SLC36A1: variants seen among roughly 807,000 people sequenced by gnomAD.
The protein encoded by SLC36A1 is proton-coupled amino acid transporter 1.
Under a neutral mutation model 47.5 loss-of-function variants are expected in SLC36A1, and 30 were observed. The observed-to-expected ratio is 0.63, with a 90% confidence interval of 0.47 to 0.86. The LOEUF (loss-of-function observed/expected upper bound fraction) is 0.86, where lower values mean the gene tolerates loss of function less well. SLC36A1 is among the 40% of genes least tolerant of loss of function. The pLI is 0.00. For missense variants in SLC36A1, 517 were observed against 606.0 expected (o/e 0.85, Z 1.54); for synonymous variants, 255 against 249.7 (o/e 1.02, Z -0.20).
the SLC36A1 span, among the ~76,000 whole-genome samples, chr5:151,364,269 T>G: frequency 6.6e-6 from 1 of 152,218 alleles, no homozygotes; most frequent in Non-Finnish European, 1.5e-5. Context: ...CTGCAAGTTT[T>G]AAGATGGCCA....
At chr5:151,418,971 T>C in the SLC36A1 span, among the ~76,000 whole-genome samples, 1 of 152,140 alleles carries the variant, frequency 6.6e-6, no homozygotes, top group African/African-American at 2.4e-5. Context: ...CATGCTGTTC[T>C]TGTGATAATG....
At chr5:151,430,288 C>T in the SLC36A1 span, among the ~76,000 whole-genome samples, 1 of 151,082 alleles carries the variant, frequency 6.6e-6, no homozygotes, top group African/African-American at 2.4e-5. Context: ...CCTCAGCCTC[C>T]CGAGTAGCTG....
At chr5:151,394,690 A>G in the SLC36A1 span, among the ~76,000 whole-genome samples, 4 of 152,226 alleles carry the variant, frequency 2.6e-5, no homozygotes, top group African/African-American at 9.6e-5. Context: ...TTGCCTGGGT[A>G]TCAGCAGCGG....
the SLC36A1 span, among the ~76,000 whole-genome samples, chr5:151,395,807 TTTA>T: frequency 1.3e-5 from 2 of 152,014 alleles, no homozygotes; most frequent in Non-Finnish European, 2.9e-5. Context: ...TTCTTTCTTA[TTTA>T]TTATTATTAT....
the SLC36A1 span, among the ~76,000 whole-genome samples, chr5:151,415,761 A>C: frequency 1.3e-5 from 2 of 152,162 alleles, no homozygotes; most frequent in African/African-American, 4.8e-5. Context: ...GAATGAATTA[A>C]GGAGTGAATG....
chr5:151,453,720 G>T (rs958476622), intron 1 of SLC36A1, among the ~76,000 whole-genome samples: 10 of 151,828 alleles, frequency 6.6e-5, no homozygotes, highest in Non-Finnish European at 1.3e-4. Context: ...TGAATCCCAT[G>T]CTGTTAAAAT....
At chr5:151,390,748 T>G in the SLC36A1 span, among the ~76,000 whole-genome samples, 1 of 152,202 alleles carries the variant, frequency 6.6e-6, no homozygotes, top group Non-Finnish European at 1.5e-5. Context: ...AGGGCTCTGT[T>G]CTGTTCCATT....
At chr5:151,350,931 C>G in the SLC36A1 span, among the ~76,000 whole-genome samples, 1 of 152,180 alleles carries the variant, frequency 6.6e-6, no homozygotes, top group East Asian at 1.9e-4. Context: ...TTCCTGAGCC[C>G]GCCTTGGCCT....
chr5:151,473,716 A>T lies in SLC36A1; in HGVS notation c.767A>T (p.Lys256Met). 1 of 1,614,066 alleles carries T rather than the reference A, an allele frequency of 6.2e-7. No homozygotes were observed. Residue 256 changes from lysine (K) to methionine (M), a missense_variant, in exon 8 of 11, where the codon AAG (lysine) becomes ATG (methionine). Physicochemically the swap from Lys to Met is moderately conservative, Grantham distance 95. Coordinates refer to ENST00000243389, the MANE Select transcript of SLC36A1 (RefSeq NM_078483.4). ...CACCTCCCCTTGGTGGCCCCTTGGA[A>T]GACCTACCCTCTCTTCTTTGGCACA... is the stretch of plus-strand genomic sequence containing the variant. ...PSHLPLVAPW[K>M]TYPLFFGTAI... is the part of the protein sequence containing the mutation.
chr5:151,511,404 G>A, the SLC36A1 span: 1 of 152,224 alleles, frequency 6.6e-6, no homozygotes, highest in Non-Finnish European at 1.5e-5. Flanking sequence ...GCCATGCTGA[G>A]AGCAATGTAT....
At chr5:151,481,760 G>C (rs955910856) in intron 10 of SLC36A1, among the ~76,000 whole-genome samples, 1 of 151,996 alleles carries the variant, frequency 6.6e-6, no homozygotes, top group African/African-American at 2.4e-5. Context: ...AGAGGGGGAG[G>C]GAAAACAAGT....
At chr5:151,479,600 G>C in intron 10 of SLC36A1, 111 bp downstream of exon 10, 1 of 1,302,330 alleles carries the variant, frequency 7.7e-7, no homozygotes, top group Non-Finnish European at 1.1e-6. Context: ...CTATGTTTGT[G>C]ACAGAGAACC....
intron 8 of SLC36A1, among the ~76,000 whole-genome samples, chr5:151,475,088 T>C (rs1757867021): frequency 6.6e-6 from 1 of 152,194 alleles, no homozygotes; most frequent in African/African-American, 2.4e-5. Context: ...CTTAGGGCTT[T>C]TCATTGCCCA....
chr5:151,473,619 A>T, intron 7 of SLC36A1, 54 bp from the exon 8 acceptor site: 1 of 1,191,960 alleles, frequency 8.4e-7, no homozygotes. Context: ...CAAATCTTGA[A>T]TTTCTGTATA....
At chr5:151,352,232 TC>T in the SLC36A1 span, among the ~76,000 whole-genome samples, 3 of 152,224 alleles carry the variant, frequency 2.0e-5, no homozygotes, top group Non-Finnish European at 2.9e-5. Context: ...CTGCTTTTTT[TC>T]ATGTTGCTTC....
At chr5:151,505,349 A>C in the SLC36A1 span, 1 of 604,000 alleles carries the variant, frequency 1.7e-6, no homozygotes, top group Non-Finnish European at 2.9e-6. Context: ...CTCTCCTGGG[A>C]CCCTAGTGCT....
chr5:151,365,817 G>A, the SLC36A1 span, among the ~76,000 whole-genome samples: 2 of 152,208 alleles, frequency 1.3e-5, no homozygotes, highest in African/African-American at 4.8e-5. Context: ...TTCTGCAGAT[G>A]ATTTAGTGGC....
chr5:151,425,574 G>C, the SLC36A1 span, among the ~76,000 whole-genome samples: 96 of 152,230 alleles, frequency 6.3e-4, no homozygotes, highest in Non-Finnish European at 1.3e-3. Context: ...GGATGGACAG[G>C]TTGGTGGATG....
At chr5:151,391,618 T>C in the SLC36A1 span, among the ~76,000 whole-genome samples, 1 of 152,210 alleles carries the variant, frequency 6.6e-6, no homozygotes, top group Non-Finnish European at 1.5e-5. Flanking sequence ...TGAAGGGCTG[T>C]TGAATTTTGT....
Sources: allele counts gnomAD v4.1 joint callset (sites outside exome capture counted in the v4.1 genomes callset), GRCh38; gene constraint gnomAD v4.1.1; transcripts MANE v1.5; gene names NCBI Gene and HGNC (gene_info 2026-07-23, HGNC 2026-07-21).